The following SNX24 variants were observed in gnomAD, a reference collection of about 807,000 sequenced individuals.
SNX24 encodes sorting nexin-24.
In SNX24, 22 loss-of-function variants were observed where a neutral mutation model predicts 28.7. The ratio of observed to expected loss-of-function variants is 0.77; its 90% CI spans 0.55 to 1.10. The LOEUF is 1.10. Ranked by LOEUF, SNX24 falls within the 50% of genes least tolerant of loss-of-function variation. The pLI is 0.00. For missense variants in SNX24, 221 were observed against 201.1 expected (o/e 1.10, Z -0.60); for synonymous variants, 69 against 71.5 (o/e 0.96, Z 0.18).
chr5:122,852,122 ATATC>A (rs746679212), intron 1 of SNX24, among the ~76,000 whole-genome samples: 54 of 150,348 alleles, frequency 3.6e-4, no homozygotes, highest in South Asian at 1.0e-3. Flanking sequence ...ATCTATATCT[ATATC>A]TATATATATA....
At chr5:122,983,853 T>A (rs1761488733) in intron 3 of SNX24, among the ~76,000 whole-genome samples, 1 of 152,212 alleles carries the variant, frequency 6.6e-6, no homozygotes, top group Admixed American at 6.5e-5. Context: ...ATGACTGTAT[T>A]GCTTCTATTT....
intron 1 of SNX24, 123 bp downstream of exon 1, chr5:122,845,816 C>T (rs1187305632): frequency 2.1e-6 from 1 of 481,910 alleles, no homozygotes; most frequent in Admixed American, 4.6e-5. Context: ...CTCCCCTCCC[C>T]CGGCCCAGAG....
chr5:122,970,541 T>C (rs1307283566), intron 3 of SNX24, among the ~76,000 whole-genome samples: 1 of 152,172 alleles, frequency 6.6e-6, no homozygotes, highest in African/African-American at 2.4e-5. Flanking sequence ...TGATCTTGGC[T>C]CACTGCAAGC....
intron 1 of SNX24, among the ~76,000 whole-genome samples, chr5:122,913,426 C>T (rs1476528994): frequency 6.6e-6 from 1 of 150,942 alleles, no homozygotes; most frequent in Non-Finnish European, 1.5e-5. Flanking sequence ...GACGGGGCGG[C>T]TGGCCGGGCG....
chr5:122,872,925 A>T (rs1250658658), intron 1 of SNX24, among the ~76,000 whole-genome samples: 7 of 151,438 alleles, frequency 4.6e-5, no homozygotes, highest in Non-Finnish European at 1.0e-4. Flanking sequence ...GGTTCAGATG[A>T]GGCCAGTTTT....
intron 3 of SNX24, among the ~76,000 whole-genome samples, chr5:122,992,353 C>T (rs1435664328): frequency 6.6e-6 from 1 of 152,172 alleles, no homozygotes; most frequent in African/African-American, 2.4e-5. Flanking sequence ...TAAGATCACT[C>T]AATGACTCCC....
chr5:122,870,422 A>G (rs1755920257), intron 1 of SNX24, among the ~76,000 whole-genome samples: 1 of 152,198 alleles, frequency 6.6e-6, no homozygotes, highest in Admixed American at 6.5e-5. Flanking sequence ...AGTGAATAGC[A>G]GTGGGCCTGA....
chr5:122,986,704 A>G (rs899308029), intron 3 of SNX24, among the ~76,000 whole-genome samples: 4 of 151,594 alleles, frequency 2.6e-5, no homozygotes, highest in Non-Finnish European at 4.4e-5. Context: ...AACTTTTGCC[A>G]TGAAGAGCAG....
intron 1 of SNX24, among the ~76,000 whole-genome samples, chr5:122,857,451 G>C (rs931650551): frequency 6.6e-6 from 1 of 150,728 alleles, no homozygotes; most frequent in Admixed American, 6.6e-5. Context: ...ATGCCTGTTT[G>C]TTATATAGGT....
chr5:122,897,032 T>G (rs540104683), intron 1 of SNX24, among the ~76,000 whole-genome samples: 27 of 152,366 alleles, frequency 1.8e-4, no homozygotes, highest in African/African-American at 5.5e-4. Context: ...TGAGCTTTCC[T>G]CTTGCTTCTT....
At position 122,928,875 on chromosome 5, in the gene SNX24, C is replaced by T. The variant is rs529460785; in HGVS notation, c.61-7859C>T. Among the ~76,000 whole-genome samples, 13 of 146,062 alleles carry T rather than the reference C, an allele frequency of 8.9e-5. No individual in the cohort carries two copies. The South Asian group carries it at 3.2e-3, about 36-fold the overall frequency. On this transcript the variant is annotated intron_variant, in intron 1 of 6. Transcript: ENST00000261369. ...GACCTTGTATGGTTTTCTGTTCTTG[C>T]TCAAGTATTATTTTACCATCAAGAC...
At chr5:122,884,251 C>CTT (rs758617172) in intron 1 of SNX24, among the ~76,000 whole-genome samples, 38,899 of 92,814 alleles carry the variant, frequency 0.42, 8,420 homozygotes, top group African/African-American at 0.54. Flanking sequence ...GTTTCTTTTT[C>CTT]TTTTTTTTTT....
At chr5:123,027,516 C>T (rs925900719) in intron 5 of SNX24, among the ~76,000 whole-genome samples, 2 of 152,154 alleles carry the variant, frequency 1.3e-5, no homozygotes, top group African/African-American at 4.8e-5. Context: ...GCAGGGTTTT[C>T]CAATGAGATC....
chr5:122,946,416 T>C (rs1759687604), intron 3 of SNX24, among the ~76,000 whole-genome samples: 1 of 152,214 alleles, frequency 6.6e-6, no homozygotes, highest in South Asian at 2.1e-4. Flanking sequence ...GGATCTGTTT[T>C]TTAATTCAAC....
intron 1 of SNX24, among the ~76,000 whole-genome samples, chr5:122,915,863 C>G (rs1442536776): frequency 6.6e-6 from 1 of 152,212 alleles, no homozygotes; most frequent in Non-Finnish European, 1.5e-5. Context: ...GTTAAACTGA[C>G]CTTTCCTCTT....
At position 122,884,244 on chromosome 5, in the gene SNX24, T is replaced by G. The variant is rs1479428999; in HGVS notation, c.60+38551T>G. The stretch of plus-strand genomic sequence containing the variant: ...CCTTGAATAATTACCCTCAATTGTT[T>G]CTTTTTCTTTTTTTTTTTTTTTTTT... On this transcript the variant is annotated intron_variant, in intron 1 of 6. Transcript: ENST00000261369. 2.5e-5 allele frequency among the ~76,000 whole-genome samples: 3 copies of G among 118,764 alleles called. No individual in the cohort carries two copies. In the East Asian group the frequency reaches 8.3e-4, roughly 33 times the overall value. The allele number at this position is 118,764 out of a possible 152,430, so 77.9% of individuals were successfully genotyped here.
At chr5:123,028,197 T>G (rs1762889284) in intron 5 of SNX24, among the ~76,000 whole-genome samples, 1 of 152,218 alleles carries the variant, frequency 6.6e-6, no homozygotes, top group African/African-American at 2.4e-5. Flanking sequence ...TAACCCAACA[T>G]TTTAGAACAG....
downstream of SNX24, among the ~76,000 whole-genome samples, chr5:123,012,979 A>G (rs1762617073): frequency 6.6e-6 from 1 of 152,202 alleles, no homozygotes; most frequent in African/African-American, 2.4e-5. Flanking sequence ...GAGATGGTTT[A>G]TGACCCACCC....
At chr5:122,981,029 C>T (rs1046893039) in intron 3 of SNX24, among the ~76,000 whole-genome samples, 10 of 152,108 alleles carry the variant, frequency 6.6e-5, no homozygotes, top group Admixed American at 1.3e-4. Flanking sequence ...TACTTGAATA[C>T]TTCTAAACCA....
Sources: allele counts gnomAD v4.1 joint callset (sites outside exome capture counted in the v4.1 genomes callset), GRCh38; gene constraint gnomAD v4.1.1; transcripts MANE v1.5; gene names NCBI Gene and HGNC (gene_info 2026-07-23, HGNC 2026-07-21).